Variants in MRPS11 observed in about 807,000 individuals in gnomAD.
MRPS11 encodes mitochondrial ribosomal protein S11, also known as small ribosomal subunit protein uS11m.
In MRPS11, 27 loss-of-function variants were observed where a neutral mutation model predicts 24.3. The observed-to-expected ratio is 1.11, with a 90% confidence interval of 0.82 to 1.53. The LOEUF (loss-of-function observed/expected upper bound fraction) is 1.53, where lower values mean the gene tolerates loss of function less well. MRPS11 is among the 40% of genes most tolerant of loss of function. The pLI is 0.00. For missense variants in MRPS11, 277 were observed against 256.5 expected, an observed-to-expected ratio of 1.08 and a Z score of -0.55; for synonymous variants, 104 against 98.7, an observed-to-expected ratio of 1.05 and a Z score of -0.32.
chr15:88,470,515 A>G (rs184237706), intron 2 of MRPS11, among the ~76,000 whole-genome samples: 83 of 152,348 alleles, frequency 5.4e-4, no homozygotes, highest in Non-Finnish European at 9.3e-4. Context: ...GAGACTAGGA[A>G]GAACCATCAG....
At position 88,479,039 on chromosome 15, in the gene MRPS11, A is replaced by G. The variant is rs1354775297; in HGVS notation, c.*1060A>G. On this transcript the variant is annotated 3_prime_UTR_variant, in exon 6 of 6. Transcript: ENST00000325844. ...TAAAAAAATTAAAAAAAAAAACCTG[A>G]TGATTCTCTAGAAAATAGGGTGGAT... The G allele has an allele frequency of 6.6e-6, 1 of 151,882 alleles. No homozygotes were observed. Among genetic ancestry groups the G allele is most frequent in the Non-Finnish European group, 1.5e-5 (1 of 67,958 alleles). The allele number at this position is 151,882 out of a possible 1,614,324, so 9.4% of individuals were successfully genotyped here. A position where few individuals can be genotyped will look rare whatever the true frequency, so the allele number is the denominator to read the frequency against.
At chr15:88,468,125 G>A in intron 2 of MRPS11, 101 bp downstream of exon 2, 1 of 1,494,998 alleles carries the variant, frequency 6.7e-7, no homozygotes, top group Non-Finnish European at 9.0e-7. Context: ...TATGTCACTT[G>A]CTATCCGTGG....
Position 88,477,877 on chromosome 15 carries a change from C to T in MRPS11, c.483C>T (p.Ala161=), listed in dbSNP as rs768657569. 1.2e-6 allele frequency: 2 copies of T among 1,613,832 alleles called. No homozygotes were observed. Among genetic ancestry groups the T allele is most frequent in the East Asian group, 2.2e-5 (1 of 44,872 alleles). ...VKGLGPGRLS[A]MHGLIMGGLE... is the part of the protein sequence containing the mutation. ...TTTCCTTCTGTTCCTTCCAGTCTGC[C>T]ATGCACGGACTGATCATGGGCGGCC... is the stretch of plus-strand genomic sequence containing the variant. The change falls in exon 6 of 6, where the codon GCC becomes GCT. Residue 161 remains alanine (A), a synonymous_variant. Transcript: ENST00000325844. This position sits in a 1 kb window ranked among gnomAD's most constrained non-coding sequence, Gnocchi z 5.7.
Position 88,478,036 on chromosome 15 carries a change from G to T in MRPS11, c.*57G>T. On this transcript the variant is annotated 3_prime_UTR_variant, in exon 6 of 6. Coordinates refer to ENST00000325844, the MANE Select transcript of MRPS11 (RefSeq NM_022839.5). This position sits in a 1 kb window ranked among gnomAD's most constrained non-coding sequence, Gnocchi z 4.7. ...CAAGCCTCAGCTCCAGTGGGACCTT[G>T]TAAAATGCTCCCTGTCAGAGCTCTC... 1 of 1,381,216 alleles carries T rather than the reference G, an allele frequency of 7.2e-7. No homozygotes were observed. Among genetic ancestry groups the T allele is most frequent in the Non-Finnish European group, 1.0e-6 (1 of 969,094 alleles). 85.6% of individuals were successfully genotyped at this position (1,381,216 alleles called of 1,614,324 possible). A position where few individuals can be genotyped will look rare whatever the true frequency, so the allele number is the denominator to read the frequency against.
rs2055860118 is a variant in MRPS11, at chr15:88,478,031, A to G, written c.*52A>G. 7.0e-7 allele frequency: 1 copy of G among 1,428,830 alleles called. No homozygotes were observed. The highest frequency in any genetic ancestry group is 1.4e-5 in the African/African-American group (1 of 71,160). The allele number at this position is 1,428,830 out of a possible 1,614,324, so 88.5% of individuals were successfully genotyped here. On this transcript the variant is annotated 3_prime_UTR_variant, in exon 6 of 6. Coordinates refer to ENST00000325844, the MANE Select transcript of MRPS11 (RefSeq NM_022839.5). This position sits in a 1 kb window ranked among gnomAD's most constrained non-coding sequence, Gnocchi z 4.7. The stretch of plus-strand genomic sequence containing the variant: ...GACCTCAAGCCTCAGCTCCAGTGGG[A>G]CCTTGTAAAATGCTCCCTGTCAGAG...
rs2055791241 is a variant in MRPS11, at chr15:88,475,042, A to G, written c.282-68A>G. On this transcript the variant is annotated intron_variant, in intron 3 of 5. Transcript: ENST00000325844. The surrounding 1 kb of genome is among the most constrained non-coding windows in gnomAD (Gnocchi z 4.1). ...CTTTCTCACCCAGGCTTCTAGGGGC[A>G]TAGATTAGCTCTCTCTTATTTCCCT... 6.3e-7 allele frequency: 1 copy of G among 1,574,934 alleles called. No individual in the cohort carries two copies. The highest frequency in any genetic ancestry group is 8.6e-7 in the Non-Finnish European group (1 of 1,157,074).
At chr15:88,471,473 G>A (rs943237820) in intron 2 of MRPS11, among the ~76,000 whole-genome samples, 1 of 152,170 alleles carries the variant, frequency 6.6e-6, no homozygotes. Context: ...TAGGCCTAGA[G>A]GAACAGCAAG....
In MRPS11 at chr15:88,469,981, TTAA is replaced by T. The variant is rs2055654249; in HGVS notation, c.182+1961_182+1963del. On this transcript the variant is annotated intron_variant, in intron 2 of 5. Transcript: ENST00000325844. The surrounding 1 kb of genome is among the most constrained non-coding windows in gnomAD (Gnocchi z 4.4). ...ATGGGAGTTGTTAAGGTTGAGATTC[TTAA>T]TAAACATTCAAGTGGAGACACAATG... Among the ~76,000 whole-genome samples, 1 of 152,138 alleles carries T rather than the reference TTAA, an allele frequency of 6.6e-6. No homozygotes were observed. The highest frequency in any genetic ancestry group is 2.1e-4 in the South Asian group (1 of 4,830).
At position 88,473,248 on chromosome 15, in the gene MRPS11, G is replaced by A. The variant is rs569862877; in HGVS notation, c.281+523G>A. Among the ~76,000 whole-genome samples, 4 of 152,348 alleles carry A rather than the reference G, an allele frequency of 2.6e-5. No individual in the cohort carries two copies. In the South Asian group the frequency reaches 8.3e-4, roughly 32 times the overall value. On this transcript the variant is annotated intron_variant, in intron 3 of 5. Transcript: ENST00000325844. The stretch of plus-strand genomic sequence containing the variant: ...GTGGATGGTGAGTTTAAAGTGACAA[G>A]ACTAGTGTTCTTGTGTGGCTTACAG...
rs759133098 is a variant in MRPS11, at chr15:88,477,898, C to T, written c.504C>T (p.Gly168=). ...RLSAMHGLIM[G]GLEVISITDN... ...CTGCCATGCACGGACTGATCATGGG[C>T]GGCCTGGAAGTGATCTCAATCACAG... Residue 168 remains glycine (G), a synonymous_variant, in exon 6 of 6, where the codon GGC becomes GGT. Coordinates refer to ENST00000325844, the MANE Select transcript of MRPS11 (RefSeq NM_022839.5). The surrounding 1 kb of genome is among the most constrained non-coding windows in gnomAD (Gnocchi z 5.7). The T allele has an allele frequency of 2.9e-5, 47 of 1,614,090 alleles. No individual in the cohort carries two copies. The South Asian group carries it at 4.2e-4, about 14-fold the overall frequency.
chr15:88,468,057 C>A (rs1018010032), intron 2 of MRPS11, 33 bp downstream of exon 2: 3 of 1,576,698 alleles, frequency 1.9e-6, no homozygotes, highest in Non-Finnish European at 1.7e-6. Flanking sequence ...CTCTGGAGAC[C>A]CGCAACCCCT....
At chr15:88,473,767 T>G (rs2055764243) in intron 3 of MRPS11, among the ~76,000 whole-genome samples, 1 of 152,204 alleles carries the variant, frequency 6.6e-6, no homozygotes, top group Admixed American at 6.5e-5. Context: ...CCTGCCTCCT[T>G]CTGTGAGCTC....
chr15:88,475,190 A>C lies in MRPS11; in HGVS notation c.362A>C (p.Lys121Thr). The change falls in exon 4 of 6, where the codon AAG (lysine) becomes ACG (threonine). Residue 121 changes from lysine to threonine, a missense_variant. Physicochemically the swap from Lys to Thr is moderately conservative, Grantham distance 78 (BLOSUM62 -1). Transcript: ENST00000325844. The surrounding 1 kb of genome is among the most constrained non-coding windows in gnomAD (Gnocchi z 4.1). ...SCGTEGFRNA[K>T]KGTGIAAQTA... ...GGCACAGAGGGATTTCGGAATGCCA[A>C]GAAGGGCACAGGCATCGCAGCACAG... The C allele has an allele frequency of 1.2e-6, 2 of 1,614,254 alleles. No individual in the cohort carries two copies. Among genetic ancestry groups the C allele is most frequent in the Non-Finnish European group, 1.7e-6 (2 of 1,180,042 alleles).
intron 2 of MRPS11, among the ~76,000 whole-genome samples, chr15:88,471,337 A>G (rs554302035): frequency 9.8e-5 from 15 of 152,310 alleles, no homozygotes; most frequent in African/African-American, 3.6e-4. Context: ...CTTTTAAAAT[A>G]CCTCTAGAAA....
At position 88,475,017 on chromosome 15, in the gene MRPS11, C is replaced by T. The variant is rs1381228526; in HGVS notation, c.282-93C>T. ...AGTAGAAGCAACTGAATTCCTTTTT[C>T]TTTCTCACCCAGGCTTCTAGGGGCA... is the stretch of plus-strand genomic sequence containing the variant. On this transcript the variant is annotated intron_variant, in intron 3 of 5. Coordinates refer to ENST00000325844, the MANE Select transcript of MRPS11 (RefSeq NM_022839.5). The surrounding 1 kb of genome is among the most constrained non-coding windows in gnomAD (Gnocchi z 4.1). The T allele has an allele frequency of 6.9e-6, 10 of 1,449,452 alleles. No individual in the cohort carries two copies. Among genetic ancestry groups the T allele is most frequent in the Middle Eastern group, 1.8e-4 (1 of 5,534 alleles). 89.8% of individuals were successfully genotyped at this position (1,449,452 alleles called of 1,614,324 possible). A position where few individuals can be genotyped will look rare whatever the true frequency, so the allele number is the denominator to read the frequency against.
intron 2 of MRPS11, among the ~76,000 whole-genome samples, chr15:88,470,177 T>G (rs1431565046): frequency 1.3e-5 from 2 of 152,136 alleles, no homozygotes; most frequent in East Asian, 3.9e-4. Flanking sequence ...TAGCCAGGTG[T>G]GGTGGCGTGG....
At position 88,480,391 on chromosome 15, in the gene MRPS11, A is replaced by AT. The variant is rs1254496257; in HGVS notation, c.*2418dup. ...GCCACCACACATGGATAATTTTTGT[A>AT]TTTTTTGTATTGAGACCAGGTCTTG... is the stretch of plus-strand genomic sequence containing the variant. On this transcript the variant is annotated 3_prime_UTR_variant, in exon 6 of 6. Coordinates refer to ENST00000325844, the MANE Select transcript of MRPS11 (RefSeq NM_022839.5). This position sits in a 1 kb window ranked among gnomAD's most constrained non-coding sequence, Gnocchi z 5.1. The AT allele has an allele frequency of 2.0e-5, 3 of 152,008 alleles. No individual in the cohort carries two copies. The highest frequency in any genetic ancestry group is 4.4e-5 in the Non-Finnish European group (3 of 67,994). The allele number at this position is 152,008 out of a possible 1,614,324, so 9.4% of individuals were successfully genotyped here. A position where few individuals can be genotyped will look rare whatever the true frequency, so the allele number is the denominator to read the frequency against.
In MRPS11 at chr15:88,477,021, A is replaced by T; in HGVS notation, c.444A>T (p.Arg148=). 1.2e-6 allele frequency: 2 copies of T among 1,614,002 alleles called. No homozygotes were observed. Among genetic ancestry groups the T allele is most frequent in the Non-Finnish European group, 8.5e-7 (1 of 1,179,994 alleles). The part of the protein sequence containing the change: ...RAKQKGVIHI[R]VVVKGLGPGR... ...AACAAAAGGGCGTGATCCACATCCG[A>T]GTTGTGGTGAAAGGCCTGGGGCCAG... is the stretch of plus-strand genomic sequence containing the variant. Residue 148 remains arginine, a synonymous_variant, in exon 5 of 6, where the codon CGA becomes CGT. Coordinates refer to ENST00000325844, the MANE Select transcript of MRPS11 (RefSeq NM_022839.5). The surrounding 1 kb of genome is among the most constrained non-coding windows in gnomAD (Gnocchi z 5.7).
In MRPS11 at chr15:88,475,322, A is replaced by T. The variant is rs1383259267; in HGVS notation, c.411+83A>T. On this transcript the variant is annotated intron_variant, in intron 4 of 5. Coordinates refer to ENST00000325844, the MANE Select transcript of MRPS11 (RefSeq NM_022839.5). This position sits in a 1 kb window ranked among gnomAD's most constrained non-coding sequence, Gnocchi z 4.1. Reference sequence around the variant, plus strand: ...TCACTGAGTGGAGAATCCTCATTATACTACCCATTCAGAAGCAAGGGTTTG... The same window carrying T: ...TCACTGAGTGGAGAATCCTCATTATTCTACCCATTCAGAAGCAAGGGTTTG... 1 of 1,569,344 alleles carries T rather than the reference A, an allele frequency of 6.4e-7. No homozygotes were observed. Among genetic ancestry groups the T allele is most frequent in the East Asian group, 2.3e-5 (1 of 44,396 alleles).
Sources: allele counts gnomAD v4.1 joint callset (sites outside exome capture counted in the v4.1 genomes callset), GRCh38; gene constraint gnomAD v4.1.1; non-coding constraint Gnocchi (gnomAD v3.1); transcripts MANE v1.5; gene names NCBI Gene and HGNC (gene_info 2026-07-23, HGNC 2026-07-21).